The following CYB5R4 variants were observed in gnomAD, a reference collection of about 807,000 sequenced individuals.
The protein encoded by CYB5R4 is cytochrome b5 reductase 4.
Under a neutral mutation model 70.2 loss-of-function variants are expected in CYB5R4, and 55 were observed. The observed-to-expected ratio is 0.78, with a 90% CI of 0.63 to 0.98. CYB5R4 has a LOEUF of 0.98. CYB5R4 is among the 50% of genes least tolerant of loss of function. The pLI is 0.00. For synonymous variants in CYB5R4, 197 were observed against 199.5 expected (o/e 0.99, Z 0.11); for missense variants, 562 against 612.6 (o/e 0.92, Z 0.87).
At chr6:83,938,368 T>C (rs2099469242) in intron 12 of CYB5R4, among the ~76,000 whole-genome samples, 1 of 152,206 alleles carries the variant, frequency 6.6e-6, no homozygotes. Flanking sequence ...TTATTTCAAC[T>C]TCATTTAGGG....
intron 3 of CYB5R4, among the ~76,000 whole-genome samples, chr6:83,908,310 A>G (rs1209509327): frequency 6.6e-6 from 1 of 151,954 alleles, no homozygotes. Context: ...TCTGAGGTAT[A>G]TGTGCAGGAT....
intron 2 of CYB5R4, among the ~76,000 whole-genome samples, chr6:83,874,801 T>A (rs191229558): frequency 1.2e-3 from 187 of 151,854 alleles, no homozygotes; most frequent in African/African-American, 4.4e-3. Context: ...TTTTTATATT[T>A]TTGTCTTTAT....
intron 14 of CYB5R4, among the ~76,000 whole-genome samples, chr6:83,941,451 A>G (rs550067520): frequency 5.6e-4 from 85 of 152,280 alleles, no homozygotes; most frequent in Non-Finnish European, 6.9e-4. Flanking sequence ...TACACAAAAG[A>G]TCTGAAGTAA....
chr6:83,876,577 A>G (rs1239168717), intron 2 of CYB5R4, among the ~76,000 whole-genome samples: 6 of 150,232 alleles, frequency 4.0e-5, no homozygotes, highest in Admixed American at 4.0e-4. Flanking sequence ...ATAATATACT[A>G]TTTCACATAT....
chr6:83,871,165 G>A (rs891907330), intron 2 of CYB5R4, among the ~76,000 whole-genome samples: 2 of 151,878 alleles, frequency 1.3e-5, no homozygotes, highest in Non-Finnish European at 2.9e-5. Flanking sequence ...TTTTAGTAGA[G>A]ATGGGGGTTT....
At chr6:83,860,823 C>T (rs1202968628) in intron 1 of CYB5R4, among the ~76,000 whole-genome samples, 1 of 152,082 alleles carries the variant, frequency 6.6e-6, no homozygotes, top group East Asian at 1.9e-4. Flanking sequence ...TAAGTACTTA[C>T]GGGTGGCCGT....
chr6:83,940,693 A>G (rs2099469610), intron 14 of CYB5R4, 92 bp downstream of exon 14: 3 of 1,400,774 alleles, frequency 2.1e-6, no homozygotes, highest in Admixed American at 5.9e-5. Context: ...TTGATTGTCC[A>G]GGAAGCTCCT....
intron 8 of CYB5R4, 23 bp downstream of exon 8, chr6:83,921,198 T>C: frequency 6.9e-7 from 1 of 1,450,800 alleles, no homozygotes; most frequent in Non-Finnish European, 9.3e-7. Context: ...TTATTATTAA[T>C]GGAAAGAGCT....
At chr6:83,909,972 A>T in intron 4 of CYB5R4, 1 of 1,500,170 alleles carries the variant, frequency 6.7e-7, no homozygotes, top group Non-Finnish European at 9.1e-7. Context: ...ACCATCTTAT[A>T]TGCATTAGTT....
In CYB5R4 at chr6:83,910,183, G is replaced by A. The variant is rs2099464452; in HGVS notation, c.412+1093G>A. 7 of 1,546,644 alleles carry A rather than the reference G, an allele frequency of 4.5e-6. No homozygotes were observed. In the South Asian group the frequency reaches 8.3e-5, roughly 18 times the overall value. ...GTCACAGCACTGTGAGCAAGGACAA[G>A]ACATCTATTGAATGGGCTGCCTGCC... is the stretch of plus-strand genomic sequence containing the variant. On this transcript the variant is annotated intron_variant, in intron 4 of 15. Transcript: ENST00000369681.
rs1215310202 is a variant in CYB5R4, at chr6:83,940,190, G to C, written c.1243G>C (p.Asp415His). The C allele has an allele frequency of 1.2e-6, 2 of 1,607,272 alleles. No individual in the cohort carries two copies. The highest frequency in any genetic ancestry group is 1.7e-6 in the Non-Finnish European group (2 of 1,176,898). ...MVKILNYALT[D>H]IPSLRKVKLM... ...TAAAATACTGAATTATGCTTTGACT[G>C]ATATACCCAGTCTCAGGTATGTAAT... The change falls in exon 13 of 16, where the codon GAT (aspartate) becomes CAT (histidine). Residue 415 changes from aspartate (D) to histidine (H), a missense_variant. By Grantham distance (81) the Asp-to-His change is moderately conservative. Transcript: ENST00000369681.
At chr6:83,874,831 A>T (rs1440949204) in intron 2 of CYB5R4, among the ~76,000 whole-genome samples, 40 of 143,684 alleles carry the variant, frequency 2.8e-4, no homozygotes, top group East Asian at 2.0e-3. Context: ...TTTTATTTTT[A>T]TTTTTTTTTT....
In CYB5R4 at chr6:83,924,065, G is replaced by A. The variant is rs368600433; in HGVS notation, c.692-405G>A. On this transcript the variant is annotated intron_variant, in intron 9 of 15. Transcript: ENST00000369681. ...AGCCTGGGTGACAGAGCAAGACTCC[G>A]TCTCAAAAAAAAAAAAAAAAAAAAG... Among the ~76,000 whole-genome samples the A allele has an allele frequency of 5.9e-3, 493 of 83,808 alleles. 6 individuals are homozygous for A. The highest frequency in any genetic ancestry group is 0.038 in the African/African-American group (469 of 12,502). The allele number at this position is 83,808 out of a possible 152,430, so 55.0% of individuals were successfully genotyped here.
intron 2 of CYB5R4, 105 bp from the exon 3 acceptor site, chr6:83,893,417 A>G: frequency 3.1e-6 from 2 of 653,824 alleles, no homozygotes; most frequent in Non-Finnish European, 2.6e-6. Flanking sequence ...ACAGTGATTA[A>G]TTAAATGGAA....
Position 83,924,529 on chromosome 6 carries a change from T to A in CYB5R4, c.751T>A (p.Ser251Thr), listed in dbSNP as rs1208786700. The change falls in exon 10 of 16, where the codon TCT becomes ACT. Residue 251 changes from serine (S) to threonine (T), a missense_variant. Coordinates refer to ENST00000369681, the MANE Select transcript of CYB5R4 (RefSeq NM_016230.4). ...EIVLQKKENTSWDFLGHPLKN... is the reference protein window; with the variant it reads ...EIVLQKKENTTWDFLGHPLKN... ...TGTTCTACAAAAAAAAGAGAATACTTCTTGGGACTTTCTTGGCCATCCCCT... is the reference window on the plus strand; with the variant it reads ...TGTTCTACAAAAAAAAGAGAATACTACTTGGGACTTTCTTGGCCATCCCCT... The A allele has an allele frequency of 6.2e-7, 1 of 1,613,438 alleles. No individual in the cohort carries two copies. The highest frequency in any genetic ancestry group is 1.7e-5 in the Admixed American group (1 of 60,000).
At position 83,960,220 on chromosome 6, in the gene CYB5R4, C is replaced by T. The variant is rs1029809850; in HGVS notation, c.*342C>T. On this transcript the variant is annotated 3_prime_UTR_variant, in exon 16 of 16. Coordinates refer to ENST00000369681, the MANE Select transcript of CYB5R4 (RefSeq NM_016230.4). ...GACATGATAAAGTAAATGATCACTTCGATCATGTTTCTATGCTGTAAAATG... is the reference window on the plus strand; with the variant it reads ...GACATGATAAAGTAAATGATCACTTTGATCATGTTTCTATGCTGTAAAATG... 7.2e-5 allele frequency: 13 copies of T among 181,512 alleles called. No individual in the cohort carries two copies. The highest frequency in any genetic ancestry group is 5.7e-4 in the Admixed American group (9 of 15,840). 11.2% of individuals were successfully genotyped at this position (181,512 alleles called of 1,614,324 possible).
rs2099462516 is a variant in CYB5R4 at position 83,899,586 on chromosome 6, A to G, written c.330+5964A>G. Among the ~76,000 whole-genome samples, 3 of 152,228 alleles carry G rather than the reference A, an allele frequency of 2.0e-5. No homozygotes were observed. The South Asian group carries it at 6.2e-4, about 32-fold the overall frequency. ...TCTGGTAGAATTCGGCTGTGAATCC[A>G]TCTGGTCCTGGACTTTTTTTGGTTG... is the stretch of plus-strand genomic sequence containing the variant. On this transcript the variant is annotated intron_variant, in intron 3 of 15. Transcript: ENST00000369681.
chr6:83,906,382 T>G (rs560860412), intron 3 of CYB5R4, among the ~76,000 whole-genome samples: 1 of 152,290 alleles, frequency 6.6e-6, no homozygotes, highest in African/African-American at 2.4e-5. Flanking sequence ...AATGATCGTT[T>G]ACTGTAGCTG....
chr6:83,891,046 G>A (rs572892907), intron 2 of CYB5R4, among the ~76,000 whole-genome samples: 2 of 152,124 alleles, frequency 1.3e-5, no homozygotes, highest in East Asian at 1.9e-4. Context: ...GTGTTCAAGC[G>A]ATCCGCCCAC....
Sources: gnomAD v4.1 joint callset for allele counts (sites outside exome capture counted in the v4.1 genomes callset) on GRCh38, gnomAD v4.1.1 for gene constraint, MANE v1.5 for transcripts, NCBI Gene and HGNC (gene_info 2026-07-23, HGNC 2026-07-21) for gene names.